The following GRM8 variants were observed in gnomAD, a reference collection of about 807,000 sequenced individuals.
GRM8 encodes metabotropic glutamate receptor 8.
A neutral mutation model predicts 87.2 loss-of-function variants in GRM8; 47 were observed. The observed-to-expected ratio is 0.54, with a 90% CI of 0.43 to 0.69. The LOEUF is 0.69. GRM8 is among the 30% of genes least tolerant of loss of function. The pLI is 0.00. For missense variants in GRM8, 1,019 were observed against 1,139.2 expected, an observed-to-expected ratio of 0.89 and a Z score of 1.52; for synonymous variants, 396 against 404.5, an observed-to-expected ratio of 0.98 and a Z score of 0.25.
At chr7:126,486,605 C>T (rs1324428549) in intron 9 of GRM8, among the ~76,000 whole-genome samples, 3 of 152,002 alleles carry the variant, frequency 2.0e-5, no homozygotes. Context: ...GGGCTCATGA[C>T]CCCTTTAAAA....
chr7:126,837,478 A>T (rs953331558), intron 6 of GRM8, among the ~76,000 whole-genome samples: 1 of 152,252 alleles, frequency 6.6e-6, no homozygotes, highest in African/African-American at 2.4e-5. Flanking sequence ...AAAAGCCAAG[A>T]TGATACAAAT....
chr7:127,108,752 A>T (rs989205486), intron 2 of GRM8, among the ~76,000 whole-genome samples: 6 of 152,218 alleles, frequency 3.9e-5, no homozygotes, highest in Non-Finnish European at 5.9e-5. Flanking sequence ...AAACAGGTGT[A>T]AAGGGTATAT....
At chr7:126,793,058 A>C (rs918457585) in intron 6 of GRM8, among the ~76,000 whole-genome samples, 10 of 152,186 alleles carry the variant, frequency 6.6e-5, no homozygotes, top group Non-Finnish European at 1.5e-4. Flanking sequence ...CCCTGCCAGA[A>C]ACAGAAAAGA....
At chr7:127,001,691 C>T (rs1380167641) in intron 3 of GRM8, among the ~76,000 whole-genome samples, 1 of 151,452 alleles carries the variant, frequency 6.6e-6, no homozygotes, top group Non-Finnish European at 1.5e-5. Context: ...GCCATATGAC[C>T]CAACAATTCC....
chr7:126,666,565 T>G (rs770342365), intron 7 of GRM8, among the ~76,000 whole-genome samples: 47 of 152,166 alleles, frequency 3.1e-4, no homozygotes, highest in Non-Finnish European at 1.2e-4. Flanking sequence ...TCAATCCTAC[T>G]GCGTCCAGCA....
intron 6 of GRM8, among the ~76,000 whole-genome samples, chr7:126,782,336 G>C (rs1820165586): frequency 6.6e-6 from 1 of 152,178 alleles, no homozygotes; most frequent in Admixed American, 6.5e-5. Context: ...CTGATAACCT[G>C]TGAAGAGGCA....
chr7:127,205,282 C>A (rs1795839128), intron 2 of GRM8, among the ~76,000 whole-genome samples: 1 of 152,142 alleles, frequency 6.6e-6, no homozygotes, highest in Admixed American at 6.5e-5. Flanking sequence ...GTGAACAAAA[C>A]AACCTCTGGC....
chr7:126,862,871 T>C (rs1295602291), intron 6 of GRM8, among the ~76,000 whole-genome samples: 2 of 152,122 alleles, frequency 1.3e-5, no homozygotes, highest in Non-Finnish European at 2.9e-5. Context: ...GATTTTGCCA[T>C]GGGCTTGTCT....
chr7:126,840,990 TC>T (rs1410202740), intron 6 of GRM8, among the ~76,000 whole-genome samples: 4 of 152,256 alleles, frequency 2.6e-5, no homozygotes, highest in Non-Finnish European at 5.9e-5. Flanking sequence ...AAAAATGAAG[TC>T]CTTTATTTAA....
At chr7:126,894,484 C>T (rs1172188101) in intron 6 of GRM8, among the ~76,000 whole-genome samples, 1 of 151,952 alleles carries the variant, frequency 6.6e-6, no homozygotes, top group Non-Finnish European at 1.5e-5. Flanking sequence ...CATTTTTTCT[C>T]TCTGTAGTGT....
intron 3 of GRM8, among the ~76,000 whole-genome samples, chr7:126,987,489 C>A (rs556306804): frequency 2.0e-5 from 3 of 151,410 alleles, no homozygotes; most frequent in Non-Finnish European, 4.4e-5. Flanking sequence ...GAGACAGAGT[C>A]TCGCTCTCTC....
intron 6 of GRM8, among the ~76,000 whole-genome samples, chr7:126,848,891 T>C (rs551531795): frequency 9.2e-5 from 14 of 152,296 alleles, no homozygotes; most frequent in African/African-American, 2.9e-4. Flanking sequence ...AGAGGTTTAA[T>C]GGACTTACAG....
intron 7 of GRM8, among the ~76,000 whole-genome samples, chr7:126,766,996 T>C (rs753103704): frequency 3.9e-5 from 6 of 152,196 alleles, no homozygotes; most frequent in Non-Finnish European, 7.4e-5. Flanking sequence ...GTGTGCTTCA[T>C]AGAGCCACTG....
chr7:126,454,827 A>G (rs1388886119), intron 9 of GRM8, among the ~76,000 whole-genome samples: 4 of 151,726 alleles, frequency 2.6e-5, no homozygotes, highest in African/African-American at 7.2e-5. Flanking sequence ...GAGGCCTCAG[A>G]GGAAAATAAC....
chr7:126,599,664 A>T (rs560251531), intron 8 of GRM8, among the ~76,000 whole-genome samples: 1 of 152,244 alleles, frequency 6.6e-6, no homozygotes, highest in African/African-American at 2.4e-5. Flanking sequence ...ACACCAACAC[A>T]GTTCTCTAGT....
At chr7:126,618,780 T>C (rs890373424) in intron 7 of GRM8, among the ~76,000 whole-genome samples, 4 of 152,118 alleles carry the variant, frequency 2.6e-5, no homozygotes, top group African/African-American at 9.7e-5. Flanking sequence ...AAAATGCTCA[T>C]CATCACTGGC....
intron 3 of GRM8, among the ~76,000 whole-genome samples, chr7:127,030,096 G>T (rs142042432): frequency 6.6e-6 from 1 of 152,176 alleles, no homozygotes; most frequent in Non-Finnish European, 1.5e-5. Flanking sequence ...CACCCTCTCT[G>T]CTACCCTTCC....
chr7:126,460,647 G>A (rs1803795787), intron 9 of GRM8, among the ~76,000 whole-genome samples: 1 of 151,552 alleles, frequency 6.6e-6, no homozygotes, highest in Non-Finnish European at 1.5e-5. Flanking sequence ...AGCTTTAGCA[G>A]AGGCATTACT....
In GRM8 at chr7:126,533,620, C is replaced by A. The variant is rs1302628187; in HGVS notation, c.1762G>T (p.Val588Leu). Residue 588 changes from valine to leucine, a missense_variant, in exon 9 of 11, where the codon GTG becomes TTG. Coordinates refer to ENST00000339582, the MANE Select transcript of GRM8 (RefSeq NM_000845.3). The stretch of plus-strand genomic sequence containing the variant: ...ATGATTCCCAATATTGCAACAAACA[C>A]AGGCACCACAGCCCAGGGAGAATGC... The part of the protein sequence containing the change: ...EWHSPWAVVP[V>L]FVAILGIIAT... 8 of 1,614,080 alleles carry A rather than the reference C, an allele frequency of 5.0e-6. No individual in the cohort carries two copies. Among genetic ancestry groups the A allele is most frequent in the Non-Finnish European group, 6.8e-6 (8 of 1,179,998 alleles).
Sources: allele counts gnomAD v4.1 joint callset (sites outside exome capture counted in the v4.1 genomes callset), GRCh38; gene constraint gnomAD v4.1.1; transcripts MANE v1.5; gene names NCBI Gene and HGNC (gene_info 2026-07-23, HGNC 2026-07-21).